The following EYS variants were observed in gnomAD, a reference collection of about 807,000 sequenced individuals.
EYS encodes the protein EGF-like photoreceptor maintenance factor, also known as protein eyes shut homolog.
In EYS, 250 loss-of-function variants were observed where a neutral mutation model predicts 282.1. The observed-to-expected ratio is 0.89, with a 90% CI of 0.80 to 0.98. EYS has a LOEUF of 0.98. Among genes scored for constraint, EYS ranks in the 50% least tolerant of loss-of-function variants. The pLI is 0.00. For missense variants in EYS, 4,016 were observed against 3,709.0 expected, an observed-to-expected ratio of 1.08 and a Z score of -2.15; for synonymous variants, 1,355 against 1,282.9, an observed-to-expected ratio of 1.06 and a Z score of -1.20.
At chr6:65,486,700 G>C (rs1429783076) in intron 5 of EYS, among the ~76,000 whole-genome samples, 1 of 152,064 alleles carries the variant, frequency 6.6e-6, no homozygotes, top group Non-Finnish European at 1.5e-5. Flanking sequence ...ACATACTAGA[G>C]CATAATGGAA....
intron 2 of EYS, among the ~76,000 whole-genome samples, chr6:65,511,825 C>G (rs902887087): frequency 2.6e-5 from 4 of 151,724 alleles, no homozygotes; most frequent in African/African-American, 4.8e-5. Context: ...TGATGGCACA[C>G]ACTCCTATAA....
chr6:64,411,700 T>C (rs1773896354), intron 28 of EYS, among the ~76,000 whole-genome samples: 1 of 151,992 alleles, frequency 6.6e-6, no homozygotes, highest in Admixed American at 6.6e-5. Context: ...ATTTCAAAAC[T>C]AGCCAGGTGT....
intron 30 of EYS, among the ~76,000 whole-genome samples, chr6:64,300,504 C>G (rs946619808): frequency 3.9e-5 from 6 of 152,250 alleles, no homozygotes; most frequent in African/African-American, 1.4e-4. Flanking sequence ...CCTAAAACGA[C>G]TCCAAATCCC....
intron 34 of EYS, among the ~76,000 whole-genome samples, chr6:63,991,339 G>A (rs1452949299): frequency 1.3e-5 from 2 of 151,576 alleles, no homozygotes; most frequent in Admixed American, 1.3e-4. Context: ...GGAAGACAGA[G>A]GAAAGCATGG....
At chr6:64,340,575 A>T (rs188516704) in intron 29 of EYS, among the ~76,000 whole-genome samples, 1 of 151,988 alleles carries the variant, frequency 6.6e-6, no homozygotes, top group Admixed American at 6.6e-5. Flanking sequence ...TTAAGTCAAA[A>T]TGGATTAAAG....
chr6:64,670,009 CTT>C (rs1265041443), intron 22 of EYS, among the ~76,000 whole-genome samples: 54 of 152,088 alleles, frequency 3.6e-4, no homozygotes. Context: ...TTTAAAAACT[CTT>C]ATAAGCTTTA....
Position 64,878,757 on chromosome 6 carries a change from A to ATTTTTTTTTTTTTTTTT in EYS, c.2992+7939_2992+7940insAAAAAAAAAAAAAAAAA, listed in dbSNP as rs199550207. The stretch of plus-strand genomic sequence containing the variant: ...TAGGCTGGGAACATGGGAAATAAGG[A>ATTTTTTTTTTTTTTTTT]TTTTTTTTTTTAACAAGAGTCAAAA... On this transcript the variant is annotated intron_variant, in intron 19 of 42. Coordinates refer to ENST00000503581, the MANE Select transcript of EYS (RefSeq NM_001142800.2). Among the ~76,000 whole-genome samples, 5 of 148,268 alleles carry ATTTTTTTTTTTTTTTTT rather than the reference A, an allele frequency of 3.4e-5. No homozygotes were observed. The East Asian group carries it at 9.9e-4, about 29-fold the overall frequency.
At chr6:64,153,279 G>C (rs1774804063) in intron 31 of EYS, among the ~76,000 whole-genome samples, 1 of 152,100 alleles carries the variant, frequency 6.6e-6, no homozygotes, top group African/African-American at 2.4e-5. Context: ...GTTGACACTT[G>C]TGTTTATAAA....
chr6:65,490,365 G>A, intron 5 of EYS: 1 of 368,954 alleles, frequency 2.7e-6, no homozygotes, highest in South Asian at 5.7e-5. Context: ...TGAAAAGCAT[G>A]TGAACTGTTG....
At position 65,506,460 on chromosome 6, in the gene EYS, C is replaced by CTTTTTT. The variant is rs58326040; in HGVS notation, c.-332-10473_-332-10468dup. Among the ~76,000 whole-genome samples, 431 of 64,866 alleles carry CTTTTTT rather than the reference C, an allele frequency of 6.6e-3. 43 individuals are homozygous for CTTTTTT. The highest frequency in any genetic ancestry group is 0.022 in the Middle Eastern group (1 of 46). The allele number at this position is 64,866 out of a possible 152,430, so 42.6% of individuals were successfully genotyped here. Reference sequence around the variant, plus strand: ...GGTTTACAATATCCTTCCTTCCTTTCTTTTTTTTTTTTTTTTTTTTTTTTT... The same window carrying CTTTTTT: ...GGTTTACAATATCCTTCCTTCCTTTCTTTTTTTTTTTTTTTTTTTTTTTTTTTTTTT... On this transcript the variant is annotated intron_variant, in intron 2 of 42. Transcript: ENST00000503581.
chr6:64,827,178 T>C (rs552924846), intron 19 of EYS, among the ~76,000 whole-genome samples: 1 of 151,998 alleles, frequency 6.6e-6, no homozygotes, highest in Non-Finnish European at 1.5e-5. Context: ...AATTAAACAT[T>C]CTCAATATTT....
chr6:63,861,351 C>A (rs1363286618), intron 36 of EYS, among the ~76,000 whole-genome samples: 1 of 152,116 alleles, frequency 6.6e-6, no homozygotes, highest in Non-Finnish European at 1.5e-5. Context: ...TATCTACATC[C>A]CCACTGCCAT....
intron 41 of EYS, among the ~76,000 whole-genome samples, chr6:63,759,499 G>T (rs1769578272): frequency 6.6e-6 from 1 of 152,060 alleles, no homozygotes; most frequent in Non-Finnish European, 1.5e-5. Context: ...AGGTTGTACT[G>T]AAAAGCATAG....
intron 31 of EYS, among the ~76,000 whole-genome samples, chr6:64,135,054 G>A (rs146781624): frequency 2.0e-5 from 3 of 152,204 alleles, no homozygotes; most frequent in African/African-American, 7.2e-5. Context: ...CGAACCTGTG[G>A]TATCTCTGGG....
At chr6:64,026,768 A>G (rs1214038546) in intron 33 of EYS, among the ~76,000 whole-genome samples, 5 of 152,168 alleles carry the variant, frequency 3.3e-5, no homozygotes, top group Admixed American at 2.0e-4. Flanking sequence ...ATAAGCAAAG[A>G]AATCTCCAAA....
intron 12 of EYS, among the ~76,000 whole-genome samples, chr6:65,121,324 A>G (rs566951701): frequency 1.1e-4 from 16 of 152,292 alleles, no homozygotes; most frequent in Admixed American, 1.3e-4. Flanking sequence ...AAAAGGAGAC[A>G]AAGGAAGAGA....
At position 64,638,681 on chromosome 6, in the gene EYS, T is replaced by C. The variant is rs1023218831; in HGVS notation, c.3444-12436A>G. On this transcript the variant is annotated intron_variant, in intron 22 of 42. Coordinates refer to ENST00000503581, the MANE Select transcript of EYS (RefSeq NM_001142800.2). Reference sequence around the variant, plus strand: ...CATCTATCTCATATATACTTTGTAGTGGGGGGTTTAAAGCCATGGCCTCAA... The same window carrying C: ...CATCTATCTCATATATACTTTGTAGCGGGGGGTTTAAAGCCATGGCCTCAA... 4.4e-5 allele frequency among the ~76,000 whole-genome samples: 4 copies of C among 90,774 alleles called. 1 individual carries two copies. The highest frequency in any genetic ancestry group is 9.5e-5 in the Non-Finnish European group (4 of 42,180). The allele number at this position is 90,774 out of a possible 152,430, so 59.6% of individuals were successfully genotyped here. A position where few individuals can be genotyped will look rare whatever the true frequency, so the allele number is the denominator to read the frequency against.
At chr6:63,875,800 A>G (rs1050907020) in intron 35 of EYS, among the ~76,000 whole-genome samples, 2 of 152,052 alleles carry the variant, frequency 1.3e-5, no homozygotes, top group Admixed American at 6.6e-5. Flanking sequence ...GTGTATTTCC[A>G]TGGGATCGGT....
chr6:63,774,053 T>G (rs1322714668), intron 40 of EYS, among the ~76,000 whole-genome samples: 1 of 152,216 alleles, frequency 6.6e-6, no homozygotes, highest in Non-Finnish European at 1.5e-5. Context: ...GAACTTAATC[T>G]TTGATGCATT....
Sources: gnomAD v4.1 joint callset for allele counts (sites outside exome capture counted in the v4.1 genomes callset) on GRCh38, gnomAD v4.1.1 for gene constraint, MANE v1.5 for transcripts, NCBI Gene and HGNC (gene_info 2026-07-23, HGNC 2026-07-21) for gene names.